The following CHSY3 variants were observed in gnomAD, a reference collection of about 807,000 sequenced individuals.
CHSY3 encodes the protein chondroitin sulfate synthase 3, also known as N-acetylgalactosaminyl-proteoglycan 3-beta-glucuronosyltransferase 3.
Under a neutral mutation model 67.2 loss-of-function variants are expected in CHSY3, and 35 were observed. That is an observed-to-expected ratio of 0.52 (90% confidence interval 0.40 to 0.69). The LOEUF is 0.69. Ranked by LOEUF, CHSY3 falls within the 30% of genes least tolerant of loss-of-function variation. The pLI is 0.00. For synonymous variants in CHSY3, 474 were observed against 434.7 expected, an observed-to-expected ratio of 1.09 and a Z score of -1.12; for missense variants, 1,069 against 1,138.5, an observed-to-expected ratio of 0.94 and a Z score of 0.88.
intron 2 of CHSY3, among the ~76,000 whole-genome samples, chr5:130,045,746 A>C (rs1300731005): frequency 6.6e-6 from 1 of 152,076 alleles, no homozygotes; most frequent in African/African-American, 2.4e-5. Context: ...CTTGAGTCCT[A>C]CCCAATCAGT....
intron 2 of CHSY3, among the ~76,000 whole-genome samples, chr5:130,177,684 C>T (rs2149735623): frequency 6.6e-6 from 1 of 152,206 alleles, no homozygotes; most frequent in Middle Eastern, 3.4e-3. Context: ...ATATCCTCTG[C>T]CTCAAGGCTC....
chr5:130,020,156 G>A (rs961967738), intron 2 of CHSY3, among the ~76,000 whole-genome samples: 6 of 151,892 alleles, frequency 4.0e-5, no homozygotes, highest in Non-Finnish European at 2.9e-5. Flanking sequence ...AGTGGCTCAC[G>A]CCGGTAGTCC....
chr5:130,102,046 TC>T (rs1224704762), intron 2 of CHSY3, among the ~76,000 whole-genome samples: 4 of 152,150 alleles, frequency 2.6e-5, no homozygotes, highest in Non-Finnish European at 5.9e-5. Flanking sequence ...TTGGAGTGCT[TC>T]CTTTTGGAAG....
In CHSY3 at chr5:129,905,045, G is replaced by C. The variant is rs1377428529; in HGVS notation, c.216G>C (p.Gln72His). ...CCCAGCCCCAGTCCCGACCACGGCAGGAGCAGTCGCCGCCCCCCGCGCGCC... is the reference window on the plus strand; with the variant it reads ...CCCAGCCCCAGTCCCGACCACGGCACGAGCAGTCGCCGCCCCCCGCGCGCC... ...PLPQPQSRPRQEQSPPPARQD... is the reference protein window; with the variant it reads ...PLPQPQSRPRHEQSPPPARQD... The change falls in exon 1 of 3, where the codon CAG becomes CAC. Residue 72 changes from glutamine (Q) to histidine (H), a missense_variant. This residue lies in a region of CHSY3 where 309 missense variants were observed against 262.5 expected (regional missense o/e 1.18). Coordinates refer to ENST00000305031, the MANE Select transcript of CHSY3 (RefSeq NM_175856.5). 1.5e-5 allele frequency: 23 copies of C among 1,551,618 alleles called. No individual in the cohort carries two copies. Among genetic ancestry groups the C allele is most frequent in the Non-Finnish European group, 2.0e-5 (23 of 1,155,226 alleles).
rs1484710115 is a variant in CHSY3, at chr5:130,074,431, A to G, written c.1087-109798A>G. The stretch of plus-strand genomic sequence containing the variant: ...ATATGGCACACATTCCTAAAAGATA[A>G]GGTAACAGAGTAGAATAAAACCGTT... On this transcript the variant is annotated intron_variant, in intron 2 of 2. Coordinates refer to ENST00000305031, the MANE Select transcript of CHSY3 (RefSeq NM_175856.5). 2.0e-5 allele frequency among the ~76,000 whole-genome samples: 3 copies of G among 152,200 alleles called. No individual in the cohort carries two copies. The East Asian group carries it at 5.8e-4, about 29-fold the overall frequency.
chr5:130,074,940 C>A (rs1369291995), intron 2 of CHSY3, among the ~76,000 whole-genome samples: 1 of 151,940 alleles, frequency 6.6e-6, no homozygotes, highest in African/African-American at 2.4e-5. Flanking sequence ...GACAAGTTAC[C>A]CCTTGTTCCT....
At chr5:130,006,415 A>G (rs1258899486) in intron 2 of CHSY3, among the ~76,000 whole-genome samples, 1 of 152,340 alleles carries the variant, frequency 6.6e-6, no homozygotes. Flanking sequence ...GTGAGCGACA[A>G]GTTCCAAAGA....
chr5:130,022,696 T>C (rs1390824192), intron 2 of CHSY3, among the ~76,000 whole-genome samples: 1 of 151,996 alleles, frequency 6.6e-6, no homozygotes, highest in Admixed American at 6.6e-5. Context: ...CATTTAACAG[T>C]TGCTAATTTA....
At chr5:129,966,111 C>G (rs910700966) in intron 2 of CHSY3, among the ~76,000 whole-genome samples, 34 of 151,818 alleles carry the variant, frequency 2.2e-4, no homozygotes, top group African/African-American at 8.0e-4. Flanking sequence ...GAAAAAGCAC[C>G]TTTAAAGTAT....
At chr5:129,981,452 G>A (rs549847738) in intron 2 of CHSY3, among the ~76,000 whole-genome samples, 1 of 151,902 alleles carries the variant, frequency 6.6e-6, no homozygotes, top group African/African-American at 2.4e-5. Flanking sequence ...AGATGATCAT[G>A]TCATCTGCAA....
At chr5:130,161,526 T>A (rs1769542914) in intron 2 of CHSY3, among the ~76,000 whole-genome samples, 1 of 152,234 alleles carries the variant, frequency 6.6e-6, no homozygotes, top group Non-Finnish European at 1.5e-5. Flanking sequence ...AGGGATTATG[T>A]TTAGTTAATG....
At chr5:130,036,724 A>G (rs964976564) in intron 2 of CHSY3, among the ~76,000 whole-genome samples, 5 of 152,162 alleles carry the variant, frequency 3.3e-5, no homozygotes, top group Non-Finnish European at 5.9e-5. Flanking sequence ...AACATGGATT[A>G]GTAAACAAAT....
chr5:130,048,941 T>C (rs1366734917), intron 2 of CHSY3, among the ~76,000 whole-genome samples: 1 of 151,920 alleles, frequency 6.6e-6, no homozygotes, highest in Non-Finnish European at 1.5e-5. Flanking sequence ...TAGTGGTGTA[T>C]TGTATATTTC....
At chr5:129,955,871 T>C (rs534450833) in intron 2 of CHSY3, among the ~76,000 whole-genome samples, 29 of 152,194 alleles carry the variant, frequency 1.9e-4, no homozygotes, top group Non-Finnish European at 4.0e-4. Flanking sequence ...GACATGATCT[T>C]GTTCTTTTGT....
chr5:129,968,830 T>C (rs1561478012), intron 2 of CHSY3, among the ~76,000 whole-genome samples: 1 of 151,852 alleles, frequency 6.6e-6, no homozygotes, highest in Non-Finnish European at 1.5e-5. Flanking sequence ...TCACCAGTAG[T>C]CTACCTGCAT....
Position 129,904,572 on chromosome 5 carries a change from C to T in CHSY3, c.-258C>T, listed in dbSNP as rs1760155085. 4 of 441,936 alleles carry T rather than the reference C, an allele frequency of 9.1e-6. No homozygotes were observed. Among genetic ancestry groups the T allele is most frequent in the South Asian group, 9.4e-5 (1 of 10,652 alleles). The allele number at this position is 441,936 out of a possible 1,614,324, so 27.4% of individuals were successfully genotyped here. On this transcript the variant is annotated 5_prime_UTR_variant, in exon 1 of 3. Transcript: ENST00000305031. The stretch of plus-strand genomic sequence containing the variant: ...GCTGCTGCCGCCGCTGCCGCCACCG[C>T]CGCCGCCGGGAGAAGTTTCACTCCC...
Position 130,135,753 on chromosome 5 carries a change from G to C in CHSY3, c.1087-48476G>C, listed in dbSNP as rs372793028. Among the ~76,000 whole-genome samples the C allele has an allele frequency of 1.1e-4, 17 of 152,162 alleles. 1 individual carries two copies. The highest frequency in any genetic ancestry group is 6.5e-4 in the Admixed American group (10 of 15,292). ...GGAAATAACTCCGTGTGTCTCAGTGGGGACCATGTCTTGATTATATATTTC... is the reference window on the plus strand; with the variant it reads ...GGAAATAACTCCGTGTGTCTCAGTGCGGACCATGTCTTGATTATATATTTC... On this transcript the variant is annotated intron_variant, in intron 2 of 2. Transcript: ENST00000305031.
intron 2 of CHSY3, among the ~76,000 whole-genome samples, chr5:129,947,617 A>G (rs965466887): frequency 2.2e-5 from 2 of 91,500 alleles, no homozygotes; most frequent in African/African-American, 1.6e-4. Context: ...GCGAGACTCC[A>G]TCTCAAAAAA....
In CHSY3 at chr5:130,101,186, A is replaced by C. The variant is rs146268080; in HGVS notation, c.1087-83043A>C. On this transcript the variant is annotated intron_variant, in intron 2 of 2. Coordinates refer to ENST00000305031, the MANE Select transcript of CHSY3 (RefSeq NM_175856.5). ...CACTGCTACAAAATCTTGATAAACC[A>C]TCCGAGTATTTTTTGTTTTTGTTTT... is the stretch of plus-strand genomic sequence containing the variant. Among the ~76,000 whole-genome samples the C allele has an allele frequency of 1.6e-4, 24 of 152,316 alleles. No individual in the cohort carries two copies. In the East Asian group the frequency reaches 3.9e-3, roughly 24 times the overall value.
Sources: allele counts gnomAD v4.1 joint callset (sites outside exome capture counted in the v4.1 genomes callset), GRCh38; gene constraint gnomAD v4.1.1; regional missense constraint gnomAD v4.1.1; transcripts MANE v1.5; gene names NCBI Gene and HGNC (gene_info 2026-07-23, HGNC 2026-07-21).